Variants in SP6 observed in about 807,000 individuals in gnomAD.
SP6 encodes the protein Sp6 transcription factor, also known as transcription factor Sp6.
A neutral mutation model predicts 23.4 loss-of-function variants in SP6; 10 were observed. The ratio of observed to expected loss-of-function variants is 0.43; its 90% confidence interval spans 0.26 to 0.72. The LOEUF is 0.72. SP6 is among the 30% of genes least tolerant of loss of function. The pLI, the probability that SP6 is intolerant of heterozygous loss-of-function variation, is 0.23. For missense variants in SP6, 482 were observed against 523.8 expected (o/e 0.92, Z 0.78); for synonymous variants, 238 against 238.7 (o/e 1.00, Z 0.03).
At chr17:47,871,744 G>A in the SP6 span, among the ~76,000 whole-genome samples, 1 of 151,576 alleles carries the variant, frequency 6.6e-6, no homozygotes, top group Non-Finnish European at 1.5e-5. Flanking sequence ...TCGGCCTCCC[G>A]AGTAGCTGGG....
the SP6 span, among the ~76,000 whole-genome samples, chr17:47,861,116 C>G: frequency 6.6e-6 from 1 of 152,190 alleles, no homozygotes; most frequent in Admixed American, 6.5e-5. Flanking sequence ...GGAGATTCCT[C>G]CCCTTTTTAA....
the SP6 span, among the ~76,000 whole-genome samples, chr17:47,869,188 G>T: frequency 1.3e-5 from 2 of 152,230 alleles, no homozygotes. Flanking sequence ...AAGGGACAGG[G>T]TACTGCCTCC....
chr17:47,870,964 T>C, the SP6 span, among the ~76,000 whole-genome samples: 1 of 152,178 alleles, frequency 6.6e-6, no homozygotes, highest in Non-Finnish European at 1.5e-5. Flanking sequence ...TCCTCCCTAA[T>C]TAGCTCCCCT....
the SP6 span, among the ~76,000 whole-genome samples, chr17:47,862,321 G>C: frequency 6.8e-6 from 1 of 146,788 alleles, no homozygotes; most frequent in Admixed American, 6.8e-5. Context: ...TCCAGGCTGG[G>C]TGACAGAGCA....
upstream of SP6, among the ~76,000 whole-genome samples, chr17:47,854,317 T>C (rs934675647): frequency 4.6e-5 from 7 of 152,230 alleles, no homozygotes; most frequent in Admixed American, 3.9e-4. Flanking sequence ...CTAATTCTCA[T>C]GGGCATGCAG....
chr17:47,872,377 C>T, the SP6 span, among the ~76,000 whole-genome samples: 1 of 152,064 alleles, frequency 6.6e-6, no homozygotes, highest in Non-Finnish European at 1.5e-5. Context: ...GGGAAGCCAG[C>T]GAGGTTGTTT....
chr17:47,864,597 G>A, the SP6 span: 2 of 152,260 alleles, frequency 1.3e-5, no homozygotes, highest in African/African-American at 2.4e-5. Context: ...ACCAGTAGGT[G>A]GTCATGGTCC....
At chr17:47,867,089 G>A in the SP6 span, among the ~76,000 whole-genome samples, 2 of 152,158 alleles carry the variant, frequency 1.3e-5, no homozygotes, top group Non-Finnish European at 2.9e-5. Context: ...CATCGCTGAC[G>A]TACTTCGGCG....
At chr17:47,872,214 G>C in the SP6 span, among the ~76,000 whole-genome samples, 1 of 152,224 alleles carries the variant, frequency 6.6e-6, no homozygotes, top group African/African-American at 2.4e-5. Flanking sequence ...GCACAATGCA[G>C]GCGCGTGCCC....
At chr17:47,862,283 G>A in the SP6 span, among the ~76,000 whole-genome samples, 1 of 149,848 alleles carries the variant, frequency 6.7e-6, no homozygotes, top group Non-Finnish European at 1.5e-5. Flanking sequence ...GGCAGAGGTT[G>A]CAATGAACTG....
At chr17:47,868,380 C>T in the SP6 span, among the ~76,000 whole-genome samples, 3 of 152,350 alleles carry the variant, frequency 2.0e-5, no homozygotes, top group South Asian at 6.2e-4. Context: ...TGCAAAGCAG[C>T]ACTCGAAGTG....
chr17:47,848,260 A>C lies in SP6; in HGVS notation c.170T>G (p.Leu57Arg). ...LQPGELQSLP[L>R]GPEVDFSQGY... The stretch of plus-strand genomic sequence containing the variant: ...CTGCGAGAAGTCCACCTCCGGGCCC[A>C]GCGGGAGGCTCTGCAGCTCTCCAGG... The change falls in exon 2 of 2, where the codon CTG becomes CGG. Residue 57 changes from leucine (L) to arginine (R), a missense_variant. Leu to Arg is a moderately radical substitution (Grantham distance 102). Transcript: ENST00000536300. This position sits in a 1 kb window ranked among gnomAD's most constrained non-coding sequence, Gnocchi z 5.3. The C allele has an allele frequency of 6.2e-7, 1 of 1,611,840 alleles. No homozygotes were observed.
upstream of SP6, among the ~76,000 whole-genome samples, chr17:47,857,071 A>C (rs1012260080): frequency 2.6e-5 from 4 of 151,982 alleles, no homozygotes; most frequent in African/African-American, 7.3e-5. Flanking sequence ...AAAGCCACCC[A>C]TCAAGCAGGA....
chr17:47,847,291 TGAG>T lies in SP6; in HGVS notation c.*5_*7del, dbSNP rs1341382194. The T allele has an allele frequency of 1.3e-6, 2 of 1,522,404 alleles. No individual in the cohort carries two copies. The highest frequency in any genetic ancestry group is 1.8e-6 in the Non-Finnish European group (2 of 1,132,574). 94.3% of individuals were successfully genotyped at this position (1,522,404 alleles called of 1,614,324 possible). ...CGGGATACCCGCAGGGAGGCGGCACTGAGGAGCTCAGTTGGAGGGAGCCACGCT... is the reference window on the plus strand; with the variant it reads ...CGGGATACCCGCAGGGAGGCGGCACTGAGCTCAGTTGGAGGGAGCCACGCT... On this transcript the variant is annotated 3_prime_UTR_variant, in exon 2 of 2. Coordinates refer to ENST00000536300, the MANE Select transcript of SP6 (RefSeq NM_001258248.2).
the SP6 span, among the ~76,000 whole-genome samples, chr17:47,868,689 T>C: frequency 6.6e-6 from 1 of 152,128 alleles, no homozygotes; most frequent in Non-Finnish European, 1.5e-5. Context: ...CACACCCTCC[T>C]TCCAAGGAGC....
At position 47,847,466 on chromosome 17, in the gene SP6, C is replaced by G. The variant is rs1326376511; in HGVS notation, c.964G>C (p.Val322Leu). ...GCCAGGTGGTCGCTGCGCATGAAGA[C>G]GCGGCTGCAGACTGCACAGGGGAAC... ...KKFPCAVCSRVFMRSDHLAKH... is the reference protein window; with the variant it reads ...KKFPCAVCSRLFMRSDHLAKH... The change falls in exon 2 of 2, where the codon GTC (valine) becomes CTC (leucine). Residue 322 changes from valine to leucine, a missense_variant. This residue lies in a region of SP6 where 101 missense variants were observed against 99.3 expected (regional missense o/e 1.02). Coordinates refer to ENST00000536300, the MANE Select transcript of SP6 (RefSeq NM_001258248.2). The G allele has an allele frequency of 5.6e-6, 9 of 1,613,610 alleles. No homozygotes were observed. Among genetic ancestry groups the G allele is most frequent in the African/African-American group, 1.3e-5 (1 of 74,932 alleles).
the SP6 span, among the ~76,000 whole-genome samples, chr17:47,868,057 T>A: frequency 6.6e-6 from 1 of 151,930 alleles, no homozygotes; most frequent in Non-Finnish European, 1.5e-5. Flanking sequence ...TCCTCTTAGG[T>A]CATCACTTAC....
upstream of SP6, among the ~76,000 whole-genome samples, chr17:47,858,288 CT>C (rs1220711669): frequency 1.3e-5 from 2 of 152,138 alleles, no homozygotes; most frequent in Non-Finnish European, 2.9e-5. Flanking sequence ...GTCAACTTCC[CT>C]TTTCCCACCC....
the SP6 span, among the ~76,000 whole-genome samples, chr17:47,870,649 A>G: frequency 6.6e-6 from 1 of 152,110 alleles, no homozygotes; most frequent in Non-Finnish European, 1.5e-5. Context: ...TTTCACTGCA[A>G]AGAACTTCAC....
Sources: allele counts gnomAD v4.1 joint callset (sites outside exome capture counted in the v4.1 genomes callset), GRCh38; gene constraint gnomAD v4.1.1; regional missense constraint gnomAD v4.1.1; non-coding constraint Gnocchi (gnomAD v3.1); transcripts MANE v1.5; gene names NCBI Gene and HGNC (gene_info 2026-07-23, HGNC 2026-07-21).